THTPA: variants seen among roughly 807,000 people sequenced by gnomAD.
THTPA encodes the protein thiamine triphosphatase, also known as thiamine-triphosphatase.
THTPA carries 16 observed loss-of-function variants against 16.5 expected under a neutral mutation model. The ratio of observed to expected loss-of-function variants is 0.97; its 90% CI spans 0.66 to 1.47. The LOEUF is 1.47. Ranked by LOEUF, THTPA falls within the 40% of genes most tolerant of loss-of-function variation. THTPA has a pLI of 0.00. For synonymous variants in THTPA, 110 were observed against 115.5 expected (o/e 0.95, Z 0.30); for missense variants, 281 against 280.9 (o/e 1.00, Z 0.00).
Position 23,559,536 on chromosome 14 carries a change from A to G in THTPA, c.*696A>G. 1.2e-5 allele frequency: 7 copies of G among 565,808 alleles called. No homozygotes were observed. Among genetic ancestry groups the G allele is most frequent in the Non-Finnish European group, 2.2e-5 (7 of 314,320 alleles). 35.0% of individuals were successfully genotyped at this position (565,808 alleles called of 1,614,324 possible). A position where few individuals can be genotyped will look rare whatever the true frequency, so the allele number is the denominator to read the frequency against. On this transcript the variant is annotated 3_prime_UTR_variant, in exon 2 of 2. Coordinates refer to ENST00000288014, the MANE Select transcript of THTPA (RefSeq NM_024328.6). ...ATGCTCTTCCCTTGCTGTTATTCAT[A>G]CACACTTTCCACTTCAAATATACCC... is the stretch of plus-strand genomic sequence containing the variant.
the THTPA span, among the ~76,000 whole-genome samples, chr14:23,540,911 C>T: frequency 3.2e-4 from 48 of 151,908 alleles, no homozygotes; most frequent in East Asian, 8.7e-3. Flanking sequence ...TCTTTTTTCT[C>T]TCTTTTTTTT....
At chr14:23,521,059 A>G in the THTPA span, 4 of 151,538 alleles carry the variant, frequency 2.6e-5, no homozygotes, top group African/African-American at 9.7e-5. Flanking sequence ...CTGTCCCTGG[A>G]GGCTGGACCC....
At chr14:23,526,836 C>G in the THTPA span, 1 of 1,525,662 alleles carries the variant, frequency 6.6e-7, no homozygotes, top group South Asian at 1.2e-5. Flanking sequence ...GTTTGCTGTT[C>G]CATTCCTTAC....
At chr14:23,538,419 C>T in the THTPA span, among the ~76,000 whole-genome samples, 1 of 151,250 alleles carries the variant, frequency 6.6e-6, no homozygotes, top group Non-Finnish European at 1.5e-5. Context: ...GCTTTTTTTC[C>T]CCTCATTGCA....
At chr14:23,531,416 C>T in the THTPA span, 2 of 1,346,262 alleles carry the variant, frequency 1.5e-6, no homozygotes, top group Non-Finnish European at 9.6e-7. Flanking sequence ...TCCGCAGCCC[C>T]CCTGCTCCCC....
chr14:23,556,447 G>C lies in THTPA; in HGVS notation c.-311G>C. Reference sequence around the variant, plus strand: ...GGGGTGGCAAGGTGTAGAGAGGGGGGCGTTGAAAGGACACCCGCTACCCGG... The same window carrying C: ...GGGGTGGCAAGGTGTAGAGAGGGGGCCGTTGAAAGGACACCCGCTACCCGG... On this transcript the variant is annotated 5_prime_UTR_variant, in exon 1 of 2. Coordinates refer to ENST00000288014, the MANE Select transcript of THTPA (RefSeq NM_024328.6). 2.7e-6 allele frequency: 1 copy of C among 364,388 alleles called. No homozygotes were observed. The allele number at this position is 364,388 out of a possible 1,614,324, so 22.6% of individuals were successfully genotyped here. A position where few individuals can be genotyped will look rare whatever the true frequency, so the allele number is the denominator to read the frequency against.
At chr14:23,522,022 T>C in the THTPA span, 4 of 1,536,392 alleles carry the variant, frequency 2.6e-6, no homozygotes, top group Non-Finnish European at 1.7e-6. Context: ...TGTGAGGTAA[T>C]CTTGCTTCCT....
chr14:23,535,517 T>G, the THTPA span: 1 of 487,526 alleles, frequency 2.1e-6, no homozygotes, highest in East Asian at 3.3e-5. The surrounding 1 kb of genome is among the most constrained non-coding windows in gnomAD (Gnocchi z 4.5). Context: ...TTTCACTTAG[T>G]GTCTAACATG....
the THTPA span, chr14:23,521,558 G>A: frequency 6.0e-4 from 100 of 166,104 alleles, 1 homozygote; most frequent in Middle Eastern, 2.8e-3. Flanking sequence ...ATGGGATAAC[G>A]TGTGTGTGTG....
chr14:23,557,869 T>C (rs1174395705), intron 1 of THTPA, among the ~76,000 whole-genome samples: 1 of 152,238 alleles, frequency 6.6e-6, no homozygotes, highest in Admixed American at 6.5e-5. Flanking sequence ...ATGAGACTGA[T>C]GCACTGCCCA....
At position 23,558,924 on chromosome 14, in the gene THTPA, C is replaced by T; in HGVS notation, c.*84C>T. ...CCCACTGTGCCTCTCCCCTCAGTGT[C>T]CCTTCTGACAGTGACTCCTCTCTCT... On this transcript the variant is annotated 3_prime_UTR_variant, in exon 2 of 2. Coordinates refer to ENST00000288014, the MANE Select transcript of THTPA (RefSeq NM_024328.6). 1.3e-6 allele frequency: 2 copies of T among 1,530,898 alleles called. No individual in the cohort carries two copies. The highest frequency in any genetic ancestry group is 2.4e-5 in the South Asian group (2 of 84,342). The allele number at this position is 1,530,898 out of a possible 1,614,324, so 94.8% of individuals were successfully genotyped here.
Position 23,559,458 on chromosome 14 carries a change from T to G in THTPA, c.*618T>G. On this transcript the variant is annotated 3_prime_UTR_variant, in exon 2 of 2. Coordinates refer to ENST00000288014, the MANE Select transcript of THTPA (RefSeq NM_024328.6). ...AACAGCTGCCCCCTCCCCGCCCCCG[T>G]GTTGAGACAGGTTCTCAAGGCTCAG... The G allele has an allele frequency of 7.9e-6, 3 of 381,780 alleles. No homozygotes were observed. Among genetic ancestry groups the G allele is most frequent in the East Asian group, 6.0e-5 (1 of 16,756 alleles). 23.6% of individuals were successfully genotyped at this position (381,780 alleles called of 1,614,324 possible). A position where few individuals can be genotyped will look rare whatever the true frequency, so the allele number is the denominator to read the frequency against.
At chr14:23,557,467 C>T (rs1014956917) in intron 1 of THTPA, among the ~76,000 whole-genome samples, 163 bp downstream of exon 1, 11 of 152,258 alleles carry the variant, frequency 7.2e-5, no homozygotes, top group Admixed American at 2.0e-4. Context: ...AACTCCTGGA[C>T]TCAAGCAATT....
chr14:23,540,102 C>T, the THTPA span, among the ~76,000 whole-genome samples: 1 of 152,234 alleles, frequency 6.6e-6, no homozygotes, highest in African/African-American at 2.4e-5. Flanking sequence ...ATCCTCCCAT[C>T]TCAGCCTCCC....
At chr14:23,525,240 G>A in the THTPA span, 1 of 1,536,054 alleles carries the variant, frequency 6.5e-7, no homozygotes, top group East Asian at 2.4e-5. This position sits in a 1 kb window ranked among gnomAD's most constrained non-coding sequence, Gnocchi z 5.9. Context: ...GCTCGACTTC[G>A]CTCTTCAGGG....
the THTPA span, chr14:23,532,617 G>T: frequency 3.1e-5 from 45 of 1,458,528 alleles, no homozygotes; most frequent in Non-Finnish European, 4.0e-5. Flanking sequence ...GCATGCAGCT[G>T]CATCTTCTCC....
the THTPA span, among the ~76,000 whole-genome samples, chr14:23,538,458 C>T: frequency 6.6e-6 from 1 of 151,936 alleles, no homozygotes; most frequent in Admixed American, 6.6e-5. Context: ...TCCTTCCTTC[C>T]CTCTCAGAAT....
the THTPA span, chr14:23,534,779 A>G: frequency 4.6e-6 from 7 of 1,536,036 alleles, no homozygotes; most frequent in Non-Finnish European, 6.1e-6. This position sits in a 1 kb window ranked among gnomAD's most constrained non-coding sequence, Gnocchi z 4.5. Context: ...TGGTCAGAAG[A>G]GCTAAAGCCT....
the THTPA span, chr14:23,521,296 T>C: frequency 6.6e-5 from 10 of 152,464 alleles, no homozygotes; most frequent in African/African-American, 2.4e-4. Context: ...GAAGCACTTC[T>C]CCCATGCCAG....
Sources: gnomAD v4.1 joint callset for allele counts (sites outside exome capture counted in the v4.1 genomes callset) on GRCh38, gnomAD v4.1.1 for gene constraint, Gnocchi (gnomAD v3.1) non-coding constraint, MANE v1.5 for transcripts, NCBI Gene and HGNC (gene_info 2026-07-23, HGNC 2026-07-21) for gene names.